Variants in ZNF283 observed in about 807,000 individuals in gnomAD.
ZNF283 encodes the protein zinc finger protein 283.
ZNF283 carries 10 observed loss-of-function variants against 9.2 expected under a neutral mutation model. The ratio of observed to expected loss-of-function variants is 1.09; its 90% CI spans 0.67 to 1.85. The LOEUF is 1.85. Ranked by LOEUF, ZNF283 falls within the 40% of genes most tolerant of loss-of-function variation. The probability of loss-of-function intolerance (pLI) is 0.00; values close to 1 mark genes in which losing one functional copy is unlikely to be tolerated. For missense variants in ZNF283, 631 were observed against 760.1 expected (o/e 0.83, Z 2.00); for synonymous variants, 234 against 244.1 (o/e 0.96, Z 0.38).
intron 5 of ZNF283, among the ~76,000 whole-genome samples, chr19:43,836,689 C>T (rs1970995080): frequency 6.6e-6 from 1 of 152,164 alleles, no homozygotes; most frequent in Non-Finnish European, 1.5e-5. Context: ...TTCACTTTTA[C>T]AAAGAATTTA....
intron 6 of ZNF283, chr19:43,840,778 C>T (rs1399912051): frequency 6.6e-6 from 1 of 151,406 alleles, no homozygotes; most frequent in Non-Finnish European, 1.5e-5. Flanking sequence ...CTCTGCCTCC[C>T]AGGTTCACAC....
At chr19:43,842,668 C>T (rs1971262088) in intron 6 of ZNF283, among the ~76,000 whole-genome samples, 2 of 152,186 alleles carry the variant, frequency 1.3e-5, no homozygotes, top group African/African-American at 4.8e-5. Context: ...TGGGCCAAAC[C>T]TTTCACAAAG....
chr19:43,828,986 C>T (rs1264077617), intron 2 of ZNF283, among the ~76,000 whole-genome samples: 1 of 152,196 alleles, frequency 6.6e-6, no homozygotes, highest in African/African-American at 2.4e-5. Flanking sequence ...AGAGTGGGGA[C>T]TTTCAGATAA....
In ZNF283 at chr19:43,832,078, C is replaced by A. The variant is rs1970735215; in HGVS notation, c.-1+697C>A. Among the ~76,000 whole-genome samples, 6 of 151,558 alleles carry A rather than the reference C, an allele frequency of 4.0e-5. 1 individual carries two copies. The South Asian group carries it at 1.2e-3, about 32-fold the overall frequency. On this transcript the variant is annotated intron_variant, in intron 3 of 6. Transcript: ENST00000618787. ...CTTAGTTTGAAAAAAAAATCCAACC[C>A]AGTTCTAGGTTTTATGTTAATCTTG...
chr19:43,837,289 C>G, intron 6 of ZNF283, 110 bp downstream of exon 6: 1 of 1,179,060 alleles, frequency 8.5e-7, no homozygotes, highest in Non-Finnish European at 1.2e-6. Context: ...TTCTTCTCCC[C>G]CTTCCCAAGG....
intron 6 of ZNF283, among the ~76,000 whole-genome samples, chr19:43,838,492 G>C (rs1335502899): frequency 6.6e-6 from 1 of 152,098 alleles, no homozygotes; most frequent in East Asian, 1.9e-4. Context: ...GCTGGGCTGT[G>C]GTGGTGCGCT....
chr19:43,842,780 C>T (rs74903246), intron 6 of ZNF283, among the ~76,000 whole-genome samples: 4,245 of 152,304 alleles, frequency 0.028, 200 homozygotes, highest in African/African-American at 0.097. Flanking sequence ...TCTGCTTTAG[C>T]ATGAGCAAAG....
chr19:43,837,118 T>A lies in ZNF283; in HGVS notation c.276T>A (p.Pro92=), dbSNP rs1971014156. The A allele has an allele frequency of 1.4e-5, 22 of 1,613,964 alleles. No individual in the cohort carries two copies. The highest frequency in any genetic ancestry group is 1.8e-5 in the Non-Finnish European group (21 of 1,179,970). ...FSQEEWECLD[P]AQRDLYVDVM... ...AGGAGGAGTGGGAATGCCTGGACCC[T>A]GCTCAGAGGGACTTGTACGTGGATG... is the stretch of plus-strand genomic sequence containing the variant. The change falls in exon 6 of 7, where the codon CCT becomes CCA. Residue 92 remains proline, a synonymous_variant. Coordinates refer to ENST00000618787, the MANE Select transcript of ZNF283 (RefSeq NM_181845.2).
At chr19:43,837,238 ACTGG>A (rs1568417528) in intron 6 of ZNF283, 59 bp downstream of exon 6, 1 of 1,489,030 alleles carries the variant, frequency 6.7e-7, no homozygotes, top group East Asian at 2.4e-5. Flanking sequence ...AGTTTTCTGC[ACTGG>A]AAATTACAGG....
chr19:43,835,902 A>G (rs956094302), intron 5 of ZNF283, among the ~76,000 whole-genome samples: 1 of 152,170 alleles, frequency 6.6e-6, no homozygotes, highest in African/African-American at 2.4e-5. Flanking sequence ...CTTTGAAGTC[A>G]TTTTGTCGTC....
At chr19:43,840,189 CCAGA>C (rs1433949068) in intron 6 of ZNF283, among the ~76,000 whole-genome samples, 1 of 151,940 alleles carries the variant, frequency 6.6e-6, no homozygotes, top group Non-Finnish European at 1.5e-5. Context: ...TCAGTTAGTA[CCAGA>C]CAAAGATTTA....
chr19:43,847,530 A>G lies in ZNF283; in HGVS notation c.929A>G (p.Gln310Arg). 6.2e-7 allele frequency: 1 copy of G among 1,603,054 alleles called. No individual in the cohort carries two copies. Among genetic ancestry groups the G allele is most frequent in the South Asian group, 1.1e-5 (1 of 90,578 alleles). The change falls in exon 7 of 7, where the codon CAG (glutamine) becomes CGG (arginine). Residue 310 changes from glutamine to arginine, a missense_variant. This residue lies in a region of ZNF283 where 444 missense variants were observed against 522.5 expected (regional missense o/e 0.85). Coordinates refer to ENST00000618787, the MANE Select transcript of ZNF283 (RefSeq NM_181845.2). Reference sequence around the variant, plus strand: ...CGTGGCTATCACCTTACCCAACATCAGAAAATTCATACTGGTGTGAAATCT... The same window carrying G: ...CGTGGCTATCACCTTACCCAACATCGGAAAATTCATACTGGTGTGAAATCT... The part of the protein sequence containing the change: ...FSRGYHLTQH[Q>R]KIHTGVKSYK...
rs1009886862 is a variant in ZNF283 at position 43,845,571 on chromosome 19, G to A, written c.338-1368G>A. ...TGTTCTATTTAAAAATAGTTTAGAT[G>A]TGTAGTATAAGGTAGCTAAAAGCAT... On this transcript the variant is annotated intron_variant, in intron 6 of 6. Coordinates refer to ENST00000618787, the MANE Select transcript of ZNF283 (RefSeq NM_181845.2). Among the ~76,000 whole-genome samples the A allele has an allele frequency of 3.9e-5, 6 of 152,220 alleles. No individual in the cohort carries two copies. The East Asian group carries it at 5.8e-4, about 15-fold the overall frequency.
At chr19:43,844,595 T>C (rs1040772975) in intron 6 of ZNF283, among the ~76,000 whole-genome samples, 3 of 152,210 alleles carry the variant, frequency 2.0e-5, no homozygotes, top group African/African-American at 7.2e-5. Flanking sequence ...CATTGTTAAA[T>C]GAAACAGCAA....
At position 43,847,164 on chromosome 19, in the gene ZNF283, A is replaced by T. The variant is rs1360761132; in HGVS notation, c.563A>T (p.Tyr188Phe). The T allele has an allele frequency of 1.9e-6, 3 of 1,613,482 alleles. No homozygotes were observed. The Admixed American group carries it at 5.0e-5, about 27-fold the overall frequency. The change falls in exon 7 of 7, where the codon TAC (tyrosine) becomes TTC (phenylalanine). Residue 188 changes from tyrosine (Y) to phenylalanine (F), a missense_variant. Tyr to Phe is a conservative substitution (Grantham distance 22). Transcript: ENST00000618787. ...ATCAGCTATGAAAAAATACCTTCTTACAGAAAAAGTAAATCTCTTACTCCA... is the reference window on the plus strand; with the variant it reads ...ATCAGCTATGAAAAAATACCTTCTTTCAGAAAAAGTAAATCTCTTACTCCA... Reference protein sequence around the residue: ...MIISYEKIPSYRKSKSLTPHQ... With the variant: ...MIISYEKIPSFRKSKSLTPHQ...
chr19:43,831,108 T>G (rs1970689999), intron 2 of ZNF283, among the ~76,000 whole-genome samples: 1 of 152,192 alleles, frequency 6.6e-6, no homozygotes, highest in Non-Finnish European at 1.5e-5. Flanking sequence ...GTGTTATGTG[T>G]CAATCCCATC....
Position 43,847,691 on chromosome 19 carries a change from C to T in ZNF283, c.1090C>T (p.Gln364Ter). 5 of 1,613,272 alleles carry T rather than the reference C, an allele frequency of 3.1e-6. No individual in the cohort carries two copies. The highest frequency in any genetic ancestry group is 4.2e-6 in the Non-Finnish European group (5 of 1,179,552). Reference protein sequence around the residue: ...KAFSRGYQLTQHQKIHTGKKP... With the variant: ...KAFSRGYQLT Reference sequence around the variant, plus strand: ...CTTCAGTCGTGGCTATCAGCTTACTCAGCATCAGAAAATCCATACTGGTAA... The same window carrying T: ...CTTCAGTCGTGGCTATCAGCTTACTTAGCATCAGAAAATCCATACTGGTAA... Residue 364 changes from glutamine to a stop codon, truncating the protein, a stop_gained, in exon 7 of 7, where the codon CAG becomes TAG. Coordinates refer to ENST00000618787, the MANE Select transcript of ZNF283 (RefSeq NM_181845.2). LOFTEE classifies it low-confidence loss of function (END_TRUNC).
chr19:43,843,190 A>C (rs1437071970), intron 6 of ZNF283, among the ~76,000 whole-genome samples: 1 of 152,170 alleles, frequency 6.6e-6, no homozygotes, highest in Non-Finnish European at 1.5e-5. Context: ...AAAATACAAA[A>C]ATTAGCTGAG....
intron 2 of ZNF283, among the ~76,000 whole-genome samples, chr19:43,830,760 G>A (rs549803121): frequency 2.0e-5 from 3 of 151,898 alleles, no homozygotes; most frequent in East Asian, 1.9e-4. Flanking sequence ...AAAATTAGCC[G>A]GGCGTGGTGG....
Sources: gnomAD v4.1 joint callset for allele counts (sites outside exome capture counted in the v4.1 genomes callset) on GRCh38, gnomAD v4.1.1 for gene constraint, gnomAD v4.1.1 regional missense constraint, MANE v1.5 for transcripts, NCBI Gene and HGNC (gene_info 2026-07-23, HGNC 2026-07-21) for gene names.